Variants in ROBO2 observed in about 807,000 individuals in gnomAD.
ROBO2 encodes the protein roundabout guidance receptor 2, also known as roundabout homolog 2.
Under a neutral mutation model 160.8 loss-of-function variants are expected in ROBO2, and 53 were observed. That is an observed-to-expected ratio of 0.33 (90% CI 0.26 to 0.41). The LOEUF is 0.41. Ranked by LOEUF, ROBO2 falls within the 10% of genes least tolerant of loss-of-function variation. The pLI is 1.00. For missense variants in ROBO2, 1,577 were observed against 1,722.4 expected, an observed-to-expected ratio of 0.92 and a Z score of 1.49; for synonymous variants, 664 against 611.7, an observed-to-expected ratio of 1.09 and a Z score of -1.26.
intron 1 of ROBO2, among the ~76,000 whole-genome samples, chr3:77,094,634 A>G (rs950952730): frequency 1.3e-5 from 2 of 152,186 alleles, no homozygotes; most frequent in African/African-American, 2.4e-5. Context: ...TGACTGTATG[A>G]TTTAAATTCA....
At chr3:76,559,093 T>C (rs2083994148) in intron 2 of ROBO2, among the ~76,000 whole-genome samples, 1 of 152,070 alleles carries the variant, frequency 6.6e-6, no homozygotes, top group Non-Finnish European at 1.5e-5. Context: ...TCTATAGACA[T>C]ATGCAATTCT....
chr3:76,843,953 G>T (rs1370656227), intron 2 of ROBO2, among the ~76,000 whole-genome samples: 1 of 151,962 alleles, frequency 6.6e-6, no homozygotes, highest in Non-Finnish European at 1.5e-5. Context: ...CCTTTTAGGT[G>T]CAGAAAATAA....
At chr3:77,640,009 AG>A (rs2095323699) in intron 24 of ROBO2, among the ~76,000 whole-genome samples, 1 of 152,086 alleles carries the variant, frequency 6.6e-6, no homozygotes, top group Non-Finnish European at 1.5e-5. Flanking sequence ...TAGGCCATAA[AG>A]AAAGCAAACC....
chr3:76,649,038 C>G (rs1398571061), intron 2 of ROBO2, among the ~76,000 whole-genome samples: 1 of 151,956 alleles, frequency 6.6e-6, no homozygotes, highest in Non-Finnish European at 1.5e-5. Flanking sequence ...AATGGAATCT[C>G]TTTCAGATAT....
At chr3:77,218,094 T>C (rs2085222348) in intron 2 of ROBO2, among the ~76,000 whole-genome samples, 1 of 152,204 alleles carries the variant, frequency 6.6e-6, no homozygotes, top group African/African-American at 2.4e-5. Flanking sequence ...AGTCATAGTT[T>C]AGAGCATAGA....
At chr3:76,887,257 G>T (rs2073976256) in intron 2 of ROBO2, among the ~76,000 whole-genome samples, 1 of 116,298 alleles carries the variant, frequency 8.6e-6, no homozygotes, top group Admixed American at 1.2e-4. Context: ...CACTGGACTA[G>T]ACTCTAGTCC....
chr3:77,013,019 G>T (rs1372479831), intron 2 of ROBO2, among the ~76,000 whole-genome samples: 1 of 152,172 alleles, frequency 6.6e-6, no homozygotes, highest in Non-Finnish European at 1.5e-5. Context: ...TGACTCATTT[G>T]TGGGGGAGGA....
intron 2 of ROBO2, among the ~76,000 whole-genome samples, chr3:76,046,902 T>G (rs977592735): frequency 2.0e-5 from 3 of 152,206 alleles, no homozygotes; most frequent in Non-Finnish European, 4.4e-5. Flanking sequence ...CTGCCCTGAC[T>G]CAGTGCATGA....
intron 2 of ROBO2, among the ~76,000 whole-genome samples, chr3:77,459,128 G>A (rs2081985675): frequency 6.6e-6 from 1 of 152,148 alleles, no homozygotes; most frequent in Admixed American, 6.5e-5. Context: ...GATAAGAAGT[G>A]ATACAAGCTA....
chr3:76,108,946 A>G (rs962781398), intron 2 of ROBO2, among the ~76,000 whole-genome samples: 14 of 150,902 alleles, frequency 9.3e-5, no homozygotes, highest in African/African-American at 3.4e-4. Context: ...TTAGTTATAT[A>G]AGGTTATATG....
At position 76,589,875 on chromosome 3, in the gene ROBO2, T is replaced by C. The variant is rs892966526; in HGVS notation, c.110-508139T>C. Among the ~76,000 whole-genome samples the C allele has an allele frequency of 2.0e-5, 3 of 152,268 alleles. No individual in the cohort carries two copies. The South Asian group carries it at 6.2e-4, about 32-fold the overall frequency. ...ACAATGACAACCCACATCTACAAGT[T>C]TCTTTAAAAATGTTGTTACGATATA... On this transcript the variant is annotated intron_variant, in intron 2 of 26. Transcript: ENST00000487694.
intron 2 of ROBO2, among the ~76,000 whole-genome samples, chr3:76,378,933 T>C (rs770442369): frequency 1.4e-4 from 22 of 152,186 alleles, no homozygotes; most frequent in Non-Finnish European, 2.6e-4. Flanking sequence ...TCATGGCCTC[T>C]TTGCTATGCA....
intron 2 of ROBO2, among the ~76,000 whole-genome samples, chr3:77,360,195 G>A (rs1002565511): frequency 2.0e-5 from 3 of 151,736 alleles, no homozygotes; most frequent in Non-Finnish European, 4.4e-5. Context: ...CCGGCGGGGA[G>A]TGCTTAAATA....
chr3:77,519,881 A>G (rs4324451), intron 5 of ROBO2, among the ~76,000 whole-genome samples: 113,583 of 151,274 alleles, frequency 0.75, 42,836 homozygotes, highest in Admixed American at 0.81. Context: ...GTCTGAACTA[A>G]TTTATGTTCT....
chr3:76,427,986 T>C (rs560232123), intron 2 of ROBO2, among the ~76,000 whole-genome samples: 12 of 152,274 alleles, frequency 7.9e-5, no homozygotes, highest in African/African-American at 2.9e-4. Context: ...ATATAGATAC[T>C]ATCAGGGGAA....
intron 2 of ROBO2, among the ~76,000 whole-genome samples, chr3:76,105,780 G>A (rs2069901534): frequency 6.6e-6 from 1 of 152,020 alleles, no homozygotes; most frequent in African/African-American, 2.4e-5. Context: ...ATGCGTCTCT[G>A]TGAGGGCAGC....
At position 77,152,428 on chromosome 3, in the gene ROBO2, T is replaced by C. The variant is rs1402715989; in HGVS notation, c.388+54088T>C. ...TGAATCTTTGAAACCCAGTGCATAC[T>C]TAATACTTGCAGCACATTTAATTCT... On this transcript the variant is annotated intron_variant, in intron 2 of 25. Coordinates refer to ENST00000461745, the Ensembl canonical transcript of ROBO2. 2.0e-5 allele frequency among the ~76,000 whole-genome samples: 3 copies of C among 152,224 alleles called. No homozygotes were observed. The East Asian group carries it at 5.8e-4, about 29-fold the overall frequency.
At chr3:76,383,839 T>G (rs1201419876) in intron 2 of ROBO2, among the ~76,000 whole-genome samples, 1 of 152,228 alleles carries the variant, frequency 6.6e-6, no homozygotes, top group East Asian at 1.9e-4. Flanking sequence ...TACTTTACTT[T>G]GTGAACTCTA....
chr3:77,471,114 C>T (rs1392574714), intron 2 of ROBO2, among the ~76,000 whole-genome samples: 1 of 152,162 alleles, frequency 6.6e-6, no homozygotes, highest in Non-Finnish European at 1.5e-5. Flanking sequence ...GGATCATGTG[C>T]ACATTGTGGT....
Sources: gnomAD v4.1 joint callset for allele counts (sites outside exome capture counted in the v4.1 genomes callset) on GRCh38, gnomAD v4.1.1 for gene constraint, MANE v1.5 for transcripts, NCBI Gene and HGNC (gene_info 2026-07-23, HGNC 2026-07-21) for gene names.